Variants in ROBO2 observed in about 807,000 individuals in gnomAD.
ROBO2 encodes roundabout homolog 2.
A neutral mutation model predicts 160.8 loss-of-function variants in ROBO2; 53 were observed. That is an observed-to-expected ratio of 0.33 (90% CI 0.26 to 0.41). The LOEUF is 0.41. ROBO2 is among the 10% of genes least tolerant of loss of function. The pLI, the probability that ROBO2 is intolerant of heterozygous loss-of-function variation, is 1.00. For synonymous variants in ROBO2, 664 were observed against 611.7 expected, an observed-to-expected ratio of 1.09 and a Z score of -1.26; for missense variants, 1,577 against 1,722.4, an observed-to-expected ratio of 0.92 and a Z score of 1.49.
intron 2 of ROBO2, among the ~76,000 whole-genome samples, chr3:76,090,719 TGTC>T (rs2069196577): frequency 6.6e-6 from 1 of 152,096 alleles, no homozygotes; most frequent in African/African-American, 2.4e-5. Flanking sequence ...ATCAAAACAG[TGTC>T]GTGTTGGTGA....
At chr3:77,218,415 C>T (rs151281762) in intron 2 of ROBO2, among the ~76,000 whole-genome samples, 1 of 148,182 alleles carries the variant, frequency 6.7e-6, no homozygotes, top group East Asian at 2.0e-4. Flanking sequence ...CACTCTGTAA[C>T]CTAAGCTTGA....
chr3:76,755,236 T>C lies in ROBO2; in HGVS notation c.110-342778T>C, dbSNP rs192903736. Among the ~76,000 whole-genome samples, 353 of 151,992 alleles carry C rather than the reference T, an allele frequency of 2.3e-3. 2 individuals are homozygous for C. The highest frequency in any genetic ancestry group is 8.0e-3 in the African/African-American group (334 of 41,516). Reference sequence around the variant, plus strand: ...GTATATTCTCTCATTCACTGAATATTTACCAAACAGTTTTCATGAGACAAG... The same window carrying C: ...GTATATTCTCTCATTCACTGAATATCTACCAAACAGTTTTCATGAGACAAG... On this transcript the variant is annotated intron_variant, in intron 2 of 26. Transcript: ENST00000487694.
In ROBO2 at chr3:75,919,111, G is replaced by T. The variant is rs533270908; in HGVS notation, c.-14+12151G>T. Among the ~76,000 whole-genome samples, 161 of 152,178 alleles carry T rather than the reference G, an allele frequency of 1.1e-3. 2 individuals carry two copies. The highest frequency in any genetic ancestry group is 2.0e-3 in the Non-Finnish European group (137 of 68,006). ...TGGGGAGAGAGGTCATCCTTCTCTTGTGCCAGTTTTCAAAGGGAATGCTTC... is the reference window on the plus strand; with the variant it reads ...TGGGGAGAGAGGTCATCCTTCTCTTTTGCCAGTTTTCAAAGGGAATGCTTC... On this transcript the variant is annotated intron_variant, in intron 1 of 26. Coordinates refer to the ROBO2 transcript ENST00000487694.
chr3:77,144,896 CATG>C (rs2076999615), intron 2 of ROBO2, among the ~76,000 whole-genome samples: 1 of 152,090 alleles, frequency 6.6e-6, no homozygotes, highest in African/African-American at 2.4e-5. Context: ...CCAAGTGGAA[CATG>C]ATGATAAAAA....
In ROBO2 at chr3:76,084,936, C is replaced by T. The variant is rs542221798; in HGVS notation, c.109+147334C>T. On this transcript the variant is annotated intron_variant, in intron 2 of 26. Coordinates refer to the ROBO2 transcript ENST00000487694. ...AAACACGTAAAGATTCAGAATGTGT[C>T]TGAATTAGTACCCAACTACATTACT... Among the ~76,000 whole-genome samples, 229 of 152,128 alleles carry T rather than the reference C, an allele frequency of 1.5e-3. 1 individual carries two copies. The highest frequency in any genetic ancestry group is 5.4e-3 in the African/African-American group (224 of 41,518).
chr3:76,010,525 C>G (rs1489936508), intron 2 of ROBO2, among the ~76,000 whole-genome samples: 1 of 152,230 alleles, frequency 6.6e-6, no homozygotes, highest in South Asian at 2.1e-4. Context: ...TTGAACACAG[C>G]TAGTTGGCCC....
At chr3:76,757,337 A>G (rs1040143511) in intron 2 of ROBO2, among the ~76,000 whole-genome samples, 7 of 151,862 alleles carry the variant, frequency 4.6e-5, no homozygotes, top group African/African-American at 1.7e-4. Flanking sequence ...TAGGTTGTAC[A>G]TCCAAAATAA....
intron 2 of ROBO2, among the ~76,000 whole-genome samples, chr3:77,404,625 T>A (rs1393413264): frequency 6.6e-6 from 1 of 152,098 alleles, no homozygotes; most frequent in African/African-American, 2.4e-5. Context: ...ATGACTAAGG[T>A]AACGTTTTAC....
intron 2 of ROBO2, among the ~76,000 whole-genome samples, chr3:77,338,023 A>G (rs2066666498): frequency 6.6e-6 from 1 of 152,146 alleles, no homozygotes; most frequent in Non-Finnish European, 1.5e-5. Context: ...CATATTTCCA[A>G]TAAACAACTT....
chr3:77,174,352 A>G (rs2079928973), intron 2 of ROBO2, among the ~76,000 whole-genome samples: 1 of 152,092 alleles, frequency 6.6e-6, no homozygotes, highest in Admixed American at 6.6e-5. Flanking sequence ...TGCAAAAAAA[A>G]AAGAGTTTTC....
intron 2 of ROBO2, among the ~76,000 whole-genome samples, chr3:76,324,490 T>C (rs1263975123): frequency 6.6e-6 from 1 of 152,130 alleles, no homozygotes; most frequent in Non-Finnish European, 1.5e-5. Flanking sequence ...AGGACGGAGA[T>C]TTTTTCTCTC....
intron 2 of ROBO2, among the ~76,000 whole-genome samples, chr3:76,310,161 C>T (rs1298722222): frequency 3.9e-5 from 6 of 152,122 alleles, no homozygotes; most frequent in Admixed American, 6.6e-5. Context: ...CCTTCACCCA[C>T]GTCATCTTCA....
At chr3:76,738,364 G>A (rs267140) in intron 2 of ROBO2, among the ~76,000 whole-genome samples, 25,878 of 152,038 alleles carry the variant, frequency 0.17, 2,503 homozygotes, top group Non-Finnish European at 0.22. Flanking sequence ...GCTTCTCAAC[G>A]TCAGCACTGT....
At chr3:76,654,929 T>TATATATATATATATATATATATATA (rs5850279) in intron 2 of ROBO2, among the ~76,000 whole-genome samples, 10 of 141,456 alleles carry the variant, frequency 7.1e-5, no homozygotes, top group Non-Finnish European at 1.5e-4. Flanking sequence ...ATATATATAT[T>TATATATATATATATATATATATATA]TATATATATA....
Position 76,723,477 on chromosome 3 carries a change from CTT to C in ROBO2, c.110-374535_110-374534del, listed in dbSNP as rs530058580. On this transcript the variant is annotated intron_variant, in intron 2 of 26. Coordinates refer to the ROBO2 transcript ENST00000487694. The stretch of plus-strand genomic sequence containing the variant: ...GAAGAAAATAATGTTCTGGGAAGGT[CTT>C]TGTGCAGAGGCAACACAGTTTCCTT... Among the ~76,000 whole-genome samples, 223 of 152,270 alleles carry C rather than the reference CTT, an allele frequency of 1.5e-3. 1 individual carries two copies. The highest frequency in any genetic ancestry group is 2.7e-3 in the Non-Finnish European group (182 of 68,018).
chr3:77,450,019 C>G (rs1265259205), intron 2 of ROBO2, among the ~76,000 whole-genome samples: 2 of 143,986 alleles, frequency 1.4e-5, no homozygotes, highest in East Asian at 4.1e-4. Flanking sequence ...ATCTGTGTCT[C>G]CTGTAAACAC....
intron 2 of ROBO2, among the ~76,000 whole-genome samples, chr3:76,256,935 C>T (rs72630384): frequency 0.2 from 30,268 of 151,464 alleles, 5,062 homozygotes; most frequent in East Asian, 0.43. Flanking sequence ...GAGAGTGGGG[C>T]GGGGAGGGAC....
chr3:76,981,321 G>A (rs1334877433), intron 2 of ROBO2, among the ~76,000 whole-genome samples: 2 of 152,266 alleles, frequency 1.3e-5, no homozygotes, highest in African/African-American at 4.8e-5. Context: ...AGCATTGTAT[G>A]GAAGATTCCA....
intron 2 of ROBO2, among the ~76,000 whole-genome samples, chr3:77,464,426 C>T (rs1265401142): frequency 3.9e-5 from 6 of 152,002 alleles, no homozygotes; most frequent in African/African-American, 7.2e-5. Flanking sequence ...AAGAAAAGAG[C>T]GTGTTACATT....
Sources: allele counts gnomAD v4.1 joint callset (sites outside exome capture counted in the v4.1 genomes callset), GRCh38; gene constraint gnomAD v4.1.1; transcripts MANE v1.5; gene names NCBI Gene and HGNC (gene_info 2026-07-23, HGNC 2026-07-21).